Variants in PPP2R2C observed in about 807,000 individuals in gnomAD.
PPP2R2C encodes the protein protein phosphatase 2 regulatory subunit Bgamma.
PPP2R2C carries 10 observed loss-of-function variants against 45.3 expected under a neutral mutation model. The ratio of observed to expected loss-of-function variants is 0.22; its 90% CI spans 0.14 to 0.37. The LOEUF is 0.37. Ranked by LOEUF, PPP2R2C falls within the 10% of genes least tolerant of loss-of-function variation. PPP2R2C has a pLI of 1.00. For missense variants in PPP2R2C, 308 were observed against 619.7 expected (o/e 0.50, Z 5.34); for synonymous variants, 257 against 245.4 (o/e 1.05, Z -0.44).
intron 2 of PPP2R2C, among the ~76,000 whole-genome samples, chr4:6,522,023 G>A (rs1489963459): frequency 6.6e-6 from 1 of 152,122 alleles, no homozygotes; most frequent in Non-Finnish European, 1.5e-5. Flanking sequence ...GGGGGCCACT[G>A]AGCTCTGGGA....
chr4:6,380,947 G>T, intron 2 of PPP2R2C, 50 bp downstream of exon 2: 2 of 1,431,160 alleles, frequency 1.4e-6, no homozygotes, highest in Non-Finnish European at 1.8e-6. Context: ...CCTCCCACCT[G>T]ACTCTGCTCC....
intron 1 of PPP2R2C, among the ~76,000 whole-genome samples, chr4:6,396,824 C>T (rs1313343102): frequency 6.6e-6 from 1 of 152,204 alleles, no homozygotes; most frequent in African/African-American, 2.4e-5. Context: ...TTGCCAAGTC[C>T]GTGGCATGAA....
rs1420733379 is a variant in PPP2R2C at position 6,325,221 on chromosome 4, G to A, written c.1053-1628C>T. Among the ~76,000 whole-genome samples, 4 of 152,200 alleles carry A rather than the reference G, an allele frequency of 2.6e-5. No homozygotes were observed. The East Asian group carries it at 7.7e-4, about 29-fold the overall frequency. On this transcript the variant is annotated intron_variant, in intron 8 of 8. Transcript: ENST00000382599. The stretch of plus-strand genomic sequence containing the variant: ...TCAACAAGGGAACGCAGCCCCTGGT[G>A]AGCGTGAATCAGGGGACATAGGCTG...
intron 1 of PPP2R2C, among the ~76,000 whole-genome samples, chr4:6,558,559 C>G (rs1305954434): frequency 1.3e-5 from 2 of 152,214 alleles, no homozygotes; most frequent in African/African-American, 4.8e-5. Flanking sequence ...CAATACTCAG[C>G]CTGATCAACT....
rs529680121 is a variant in PPP2R2C at position 6,461,995 on chromosome 4, G to A, written c.70+10165C>T. The stretch of plus-strand genomic sequence containing the variant: ...ATCCCAGAGAGGATGGTGCAGCCAC[G>A]CTCACCCCCAGCTCAGATGTGGTCA... On this transcript the variant is annotated intron_variant, in intron 1 of 8. Coordinates refer to ENST00000382599, the MANE Select transcript of PPP2R2C (RefSeq NM_020416.4). Among the ~76,000 whole-genome samples, 9 of 152,312 alleles carry A rather than the reference G, an allele frequency of 5.9e-5. No homozygotes were observed. In the South Asian group the frequency reaches 6.2e-4, roughly 11 times the overall value.
intron 1 of PPP2R2C, among the ~76,000 whole-genome samples, chr4:6,461,238 G>A (rs1164851638): frequency 6.6e-6 from 1 of 152,190 alleles, no homozygotes; most frequent in African/African-American, 2.4e-5. Context: ...AGAGGGGAGG[G>A]TCAGGGGTTG....
chr4:6,555,295 C>T (rs1162140738), intron 1 of PPP2R2C, among the ~76,000 whole-genome samples: 1 of 152,250 alleles, frequency 6.6e-6, no homozygotes, highest in Non-Finnish European at 1.5e-5. Flanking sequence ...ACAGCCCCAA[C>T]ACACTAACAC....
intron 2 of PPP2R2C, among the ~76,000 whole-genome samples, chr4:6,503,805 A>C (rs1248676721): frequency 2.0e-5 from 3 of 151,934 alleles, no homozygotes; most frequent in Non-Finnish European, 4.4e-5. Context: ...TAAAAAAAAA[A>C]AAACAAAAAC....
chr4:6,362,880 G>A (rs1005933098), intron 5 of PPP2R2C, among the ~76,000 whole-genome samples: 2 of 33,896 alleles, frequency 5.9e-5, no homozygotes, highest in African/African-American at 8.1e-5. Context: ...CCTTTCCCCT[G>A]CACCCCCTTT....
intron 1 of PPP2R2C, among the ~76,000 whole-genome samples, chr4:6,394,892 A>G (rs1434866587): frequency 1.3e-5 from 2 of 152,164 alleles, no homozygotes; most frequent in Admixed American, 6.5e-5. Flanking sequence ...TCCCAGGCCT[A>G]TCTGCTCCAG....
At chr4:6,346,024 C>T (rs1711878422) in intron 6 of PPP2R2C, among the ~76,000 whole-genome samples, 1 of 152,206 alleles carries the variant, frequency 6.6e-6, no homozygotes, top group Non-Finnish European at 1.5e-5. Context: ...GCCCCACCTT[C>T]ACCCACAGCT....
Position 6,378,375 on chromosome 4 carries a change from G to T in PPP2R2C, c.334+32C>A, listed in dbSNP as rs768282004. On this transcript the variant is annotated intron_variant, in intron 3 of 8. Coordinates refer to ENST00000382599, the MANE Select transcript of PPP2R2C (RefSeq NM_020416.4). The surrounding 1 kb of genome is among the most constrained non-coding windows in gnomAD (Gnocchi z 5.2). ...TTTGGTAGAAACATCTACGGCCTGTGCCCATGCAAGCGAGGCCGGGCAGCG... is the reference window on the plus strand; with the variant it reads ...TTTGGTAGAAACATCTACGGCCTGTTCCCATGCAAGCGAGGCCGGGCAGCG... The T allele has an allele frequency of 6.2e-7, 1 of 1,613,692 alleles. No homozygotes were observed. Among genetic ancestry groups the T allele is most frequent in the African/African-American group, 1.3e-5 (1 of 74,920 alleles).
chr4:6,369,270 G>A (rs186821364), intron 5 of PPP2R2C, among the ~76,000 whole-genome samples: 15 of 152,280 alleles, frequency 9.9e-5, no homozygotes, highest in African/African-American at 2.2e-4. Flanking sequence ...GGTGGCTGCC[G>A]CCCCATGAGT....
At chr4:6,383,850 T>G in intron 1 of PPP2R2C, 1 of 992,046 alleles carries the variant, frequency 1.0e-6, no homozygotes, top group Non-Finnish European at 1.2e-6. Context: ...ATGCCTTTTC[T>G]TTTTCCAGTC....
At chr4:6,340,632 C>A (rs7676409) in intron 6 of PPP2R2C, among the ~76,000 whole-genome samples, 79,284 of 151,888 alleles carry the variant, frequency 0.52, 22,409 homozygotes, top group Middle Eastern at 0.66. Flanking sequence ...ACTCACTCTG[C>A]GCACCAGCGT....
chr4:6,463,459 C>A (rs1203535584), intron 1 of PPP2R2C, among the ~76,000 whole-genome samples: 1 of 152,250 alleles, frequency 6.6e-6, no homozygotes, highest in Non-Finnish European at 1.5e-5. Context: ...CACACCCCAG[C>A]TGGGAACCTC....
intron 1 of PPP2R2C, 76 bp from the exon 2 acceptor site, chr4:6,381,170 C>G: frequency 6.4e-7 from 1 of 1,550,588 alleles, no homozygotes; most frequent in Non-Finnish European, 8.7e-7. Flanking sequence ...AGTGCCACAG[C>G]AATGGCGAGC....
chr4:6,469,077 CAAAAAAAAAAAAAAA>C (rs142008829), intron 1 of PPP2R2C, among the ~76,000 whole-genome samples: 3 of 56,154 alleles, frequency 5.3e-5, no homozygotes, highest in African/African-American at 7.0e-5. Context: ...GCCCTGCCAC[CAAAAAAAAAAAAAAA>C]AAAAAAAAAA....
intron 2 of PPP2R2C, among the ~76,000 whole-genome samples, chr4:6,503,412 T>TCC (rs1220800488): frequency 2.0e-5 from 3 of 152,194 alleles, no homozygotes; most frequent in Non-Finnish European, 4.4e-5. Context: ...CCCAGTTGCC[T>TCC]CCCCTCCCAT....
Sources: allele counts gnomAD v4.1 joint callset (sites outside exome capture counted in the v4.1 genomes callset), GRCh38; gene constraint gnomAD v4.1.1; non-coding constraint Gnocchi (gnomAD v3.1); transcripts MANE v1.5; gene names NCBI Gene and HGNC (gene_info 2026-07-23, HGNC 2026-07-21).